The following ABHD4 variants were observed in gnomAD, a reference collection of about 807,000 sequenced individuals.
ABHD4 encodes the protein (Lyso)-N-acylphosphatidylethanolamine lipase.
ABHD4 carries 35 observed loss-of-function variants against 42.3 expected under a neutral mutation model. The observed-to-expected ratio is 0.83, with a 90% CI of 0.63 to 1.10. The LOEUF (loss-of-function observed/expected upper bound fraction) is 1.10. Ranked by LOEUF, ABHD4 falls within the 50% of genes least tolerant of loss-of-function variation. The probability of loss-of-function intolerance (pLI) is 0.00; values close to 1 mark genes in which losing one functional copy is unlikely to be tolerated. For synonymous variants in ABHD4, 169 were observed against 170.6 expected (o/e 0.99, Z 0.07); for missense variants, 389 against 454.8 (o/e 0.86, Z 1.32).
chr14:22,608,496 C>T (rs1052987215), intron 5 of ABHD4, among the ~76,000 whole-genome samples: 4 of 152,188 alleles, frequency 2.6e-5, no homozygotes, highest in Non-Finnish European at 5.9e-5. Context: ...CTGCTGCTCC[C>T]CCAGCCCTTG....
intron 1 of ABHD4, 38 bp from the exon 2 acceptor site, chr14:22,601,629 C>G (rs2037286360): frequency 6.4e-7 from 1 of 1,568,990 alleles, no homozygotes; most frequent in Admixed American, 1.7e-5. Flanking sequence ...TGTTTCTTTC[C>G]AATGTTGCCA....
At chr14:22,608,607 T>G (rs2037374279) in intron 5 of ABHD4, among the ~76,000 whole-genome samples, 1 of 152,352 alleles carries the variant, frequency 6.6e-6, no homozygotes, top group Middle Eastern at 3.4e-3. Flanking sequence ...TGACCATGTC[T>G]CTAGACCCCC....
intron 5 of ABHD4, among the ~76,000 whole-genome samples, chr14:22,608,286 T>C (rs1316505376): frequency 1.3e-5 from 2 of 152,178 alleles, no homozygotes; most frequent in Non-Finnish European, 2.9e-5. Flanking sequence ...CTGATGGTAC[T>C]AAACAGGCCA....
At chr14:22,601,783 C>A in intron 2 of ABHD4, 28 bp downstream of exon 2, 1 of 1,594,984 alleles carries the variant, frequency 6.3e-7, no homozygotes. Context: ...CTTGTCCCAC[C>A]TCCCTCATGG....
At chr14:22,598,704 G>GC (rs1457554482) in intron 1 of ABHD4, 19 of 394,904 alleles carry the variant, frequency 4.8e-5, no homozygotes, top group Non-Finnish European at 6.8e-5. Context: ...GTCTCGACTT[G>GC]CCCCCCAGAA....
intron 3 of ABHD4, 42 bp downstream of exon 3, chr14:22,603,804 G>A: frequency 6.4e-7 from 1 of 1,566,930 alleles, no homozygotes; most frequent in South Asian, 1.2e-5. Flanking sequence ...CTAATTCCTG[G>A]CCTTACTGGG....
At chr14:22,601,641 T>A in intron 1 of ABHD4, 26 bp from the exon 2 acceptor site, 1 of 1,603,926 alleles carries the variant, frequency 6.2e-7, no homozygotes, top group Non-Finnish European at 8.5e-7. Flanking sequence ...ATGTTGCCAA[T>A]GAGTGTCTCT....
rs115877176 is a variant in ABHD4 at position 22,601,918 on chromosome 14, C to T, written c.112+163C>T. Among the ~76,000 whole-genome samples, 943 of 152,284 alleles carry T rather than the reference C, an allele frequency of 6.2e-3. 5 individuals are homozygous for T. The highest frequency in any genetic ancestry group is 0.022 in the African/African-American group (905 of 41,556). ...GTGTGAGGGAAGAGGTGCATACAGA[C>T]GGCACCATATCTGATAATAGTGCTT... On this transcript the variant is annotated intron_variant, in intron 2 of 6. Coordinates refer to ENST00000428304, the MANE Select transcript of ABHD4 (RefSeq NM_022060.3).
intron 5 of ABHD4, among the ~76,000 whole-genome samples, chr14:22,607,351 A>G (rs1371293131): frequency 1.3e-5 from 2 of 152,148 alleles, no homozygotes; most frequent in Non-Finnish European, 2.9e-5. Context: ...CCACGAGGCC[A>G]TGTTGGTGAC....
At position 22,612,539 on chromosome 14, in the gene ABHD4, C is replaced by T. The variant is rs2037426823; in HGVS notation, c.*1591C>T. 1 of 152,260 alleles carries T rather than the reference C, an allele frequency of 6.6e-6. No homozygotes were observed. The allele number at this position is 152,260 out of a possible 1,614,324, so 9.4% of individuals were successfully genotyped here. A position where few individuals can be genotyped will look rare whatever the true frequency, so the allele number is the denominator to read the frequency against. On this transcript the variant is annotated 3_prime_UTR_variant, in exon 7 of 7. Transcript: ENST00000428304. ...CAGAGTCCAGGTCAGCACAGGCCCT[C>T]TCAGCCAACCACTCATGACAAATGA...
Position 22,603,542 on chromosome 14 carries a change from G to C in ABHD4, c.265G>C (p.Asp89His). ...CGTGGGTCTCTGGATCCTCAACATG[G>C]ACTCACTGAGTGCCCGCCGCACACT... is the stretch of plus-strand genomic sequence containing the variant. Reference protein sequence around the residue: ...GGVGLWILNMDSLSARRTLHT... With the variant: ...GGVGLWILNMHSLSARRTLHT... The change falls in exon 3 of 7, where the codon GAC (aspartate) becomes CAC (histidine). Residue 89 changes from aspartate (D) to histidine (H), a missense_variant. Transcript: ENST00000428304. The C allele has an allele frequency of 1.9e-6, 3 of 1,614,132 alleles. No individual in the cohort carries two copies. The highest frequency in any genetic ancestry group is 2.5e-6 in the Non-Finnish European group (3 of 1,180,028).
chr14:22,609,582 C>T (rs1252748395), intron 5 of ABHD4, 142 bp from the exon 6 acceptor site: 3 of 948,430 alleles, frequency 3.2e-6, no homozygotes, highest in African/African-American at 1.7e-5. Flanking sequence ...TGGTCTTCCC[C>T]TAATCTTACC....
chr14:22,607,049 T>A (rs899889444), intron 5 of ABHD4, among the ~76,000 whole-genome samples: 8 of 152,208 alleles, frequency 5.3e-5, no homozygotes, highest in Non-Finnish European at 8.8e-5. Flanking sequence ...TGTACACACA[T>A]GTGACTGTAT....
intron 4 of ABHD4, among the ~76,000 whole-genome samples, chr14:22,605,241 G>A (rs1042713248): frequency 2.6e-5 from 4 of 152,138 alleles, no homozygotes; most frequent in African/African-American, 9.7e-5. Flanking sequence ...ACCCTTCTCC[G>A]CTGGGGAGCT....
chr14:22,609,637 G>T, intron 5 of ABHD4, 87 bp from the exon 6 acceptor site: 1 of 1,415,700 alleles, frequency 7.1e-7, no homozygotes, highest in Non-Finnish European at 9.7e-7. Context: ...GAATACAAAG[G>T]TGACTAAGAT....
In ABHD4 at chr14:22,606,449, C is replaced by T; in HGVS notation, c.668C>T (p.Pro223Leu). 3.1e-6 allele frequency: 5 copies of T among 1,613,198 alleles called. No homozygotes were observed. Among genetic ancestry groups the T allele is most frequent in the Admixed American group, 1.7e-5 (1 of 59,868 alleles). Residue 223 changes from proline to leucine, a missense_variant, in exon 5 of 7, where the codon CCG becomes CTG. Around this residue, in one of 3 missense-constraint regions of ABHD4, gnomAD observed 249 missense variants for 254.4 expected, o/e 0.98. Transcript: ENST00000428304. ...WGPGLVQRFRPDFKRKFADFF... is the reference protein window; with the variant it reads ...WGPGLVQRFRLDFKRKFADFF... ...CCTGGTCTGGTGCAGCGATTCCGGC[C>T]GGACTTCAAACGCAAGTTTGCAGAC...
chr14:22,605,935 T>C (rs1003629593), intron 4 of ABHD4: 7 of 849,334 alleles, frequency 8.2e-6, no homozygotes, highest in Non-Finnish European at 1.2e-5. Context: ...TGAGACACGA[T>C]TGTGTTTAGT....
Position 22,605,934 on chromosome 14 carries a change from A to T in ABHD4, c.641-488A>T. The T allele has an allele frequency of 4.5e-6, 4 of 884,100 alleles. No individual in the cohort carries two copies. The South Asian group carries it at 5.5e-5, about 12-fold the overall frequency. 54.8% of individuals were successfully genotyped at this position (884,100 alleles called of 1,614,324 possible). On this transcript the variant is annotated intron_variant, in intron 4 of 6. Transcript: ENST00000428304. The stretch of plus-strand genomic sequence containing the variant: ...AACAGTGCCCTGAGTCTGAGACACG[A>T]TTGTGTTTAGTTCACCTCTCCACAT...
At chr14:22,604,471 C>T (rs1002069663) in intron 4 of ABHD4, among the ~76,000 whole-genome samples, 1 of 151,948 alleles carries the variant, frequency 6.6e-6, no homozygotes, top group Admixed American at 6.6e-5. Flanking sequence ...AGGCTGGTCT[C>T]GATCTGACCT....
Sources: gnomAD v4.1 joint callset for allele counts (sites outside exome capture counted in the v4.1 genomes callset) on GRCh38, gnomAD v4.1.1 for gene constraint, gnomAD v4.1.1 regional missense constraint, MANE v1.5 for transcripts, NCBI Gene and HGNC (gene_info 2026-07-23, HGNC 2026-07-21) for gene names.